Variants in KAZN observed in about 807,000 individuals in gnomAD.
KAZN encodes kazrin.
KAZN carries 40 observed loss-of-function variants against 87.4 expected under a neutral mutation model. That is an observed-to-expected ratio of 0.46 (90% CI 0.36 to 0.60). KAZN has a LOEUF of 0.60. KAZN is among the 20% of genes least tolerant of loss of function. The probability of loss-of-function intolerance (pLI) is 0.00; values close to 1 mark genes in which losing one functional copy is unlikely to be tolerated. For missense variants in KAZN, 898 were observed against 1,073.9 expected, an observed-to-expected ratio of 0.84 and a Z score of 2.29; for synonymous variants, 466 against 458.3, an observed-to-expected ratio of 1.02 and a Z score of -0.22.
chr1:14,417,755 G>C lies in KAZN; in HGVS notation c.250-181228G>C, dbSNP rs554038353. Among the ~76,000 whole-genome samples the C allele has an allele frequency of 1.4e-4, 22 of 152,060 alleles. No homozygotes were observed. The South Asian group carries it at 2.3e-3, about 16-fold the overall frequency. On this transcript the variant is annotated intron_variant, in intron 2 of 16. Transcript: ENST00000636203. ...CTCACCCCTGTTATCCCAGGACTTTGGGAGGCCAAAGCAGGCAGATTCCGA... is the reference window on the plus strand; with the variant it reads ...CTCACCCCTGTTATCCCAGGACTTTCGGAGGCCAAAGCAGGCAGATTCCGA...
intron 2 of KAZN, among the ~76,000 whole-genome samples, chr1:14,333,442 A>G (rs1201023486): frequency 6.6e-6 from 1 of 152,218 alleles, no homozygotes; most frequent in African/African-American, 2.4e-5. Flanking sequence ...ATGATGGACA[A>G]GGTCCTTCAG....
intron 1 of KAZN, among the ~76,000 whole-genome samples, chr1:14,665,932 C>CAAAAAAAAAAAAAAAAAA: frequency 9.3e-6 from 1 of 108,044 alleles, no homozygotes; most frequent in South Asian, 3.1e-4. Flanking sequence ...AAGCTTTGCT[C>CAAAAAAAAAAAAAAAAAA]AAAAAAAAAA....
chr1:14,865,734 A>C (rs1651375002), intron 1 of KAZN, among the ~76,000 whole-genome samples: 1 of 152,200 alleles, frequency 6.6e-6, no homozygotes, highest in Non-Finnish European at 1.5e-5. Context: ...CCTTATTTGA[A>C]AACAAGATCT....
At chr1:14,872,926 GGATGGATGGATA>G (rs1304798055) in intron 1 of KAZN, among the ~76,000 whole-genome samples, 4 of 137,210 alleles carry the variant, frequency 2.9e-5, no homozygotes, top group African/African-American at 1.1e-4. Flanking sequence ...GTGGATGGAT[GGATGGATGGATA>G]GATGGATGGA....
intron 1 of KAZN, among the ~76,000 whole-genome samples, chr1:14,703,358 G>A (rs1250298003): frequency 6.6e-6 from 1 of 152,202 alleles, no homozygotes; most frequent in Non-Finnish European, 1.5e-5. Context: ...CATGGGAGCA[G>A]TTTCCTCCAT....
chr1:14,212,482 GAAA>G (rs770629731), intron 2 of KAZN, among the ~76,000 whole-genome samples: 3 of 117,910 alleles, frequency 2.5e-5, no homozygotes, highest in African/African-American at 9.1e-5. Flanking sequence ...TTATAAGCCA[GAAA>G]AAAAAAAAAA....
At chr1:14,187,912 TTTCTCC>T (rs1170737442) in intron 2 of KAZN, among the ~76,000 whole-genome samples, 1 of 152,182 alleles carries the variant, frequency 6.6e-6, no homozygotes, top group Non-Finnish European at 1.5e-5. Flanking sequence ...ATTCACTCAC[TTTCTCC>T]TTTTTCTATT....
At chr1:14,799,942 G>C (rs1645955459) in intron 1 of KAZN, among the ~76,000 whole-genome samples, 1 of 152,116 alleles carries the variant, frequency 6.6e-6, no homozygotes, top group African/African-American at 2.4e-5. Flanking sequence ...TGTCCCCGAA[G>C]GCCATATCAA....
At chr1:14,417,399 G>A (rs79397849) in intron 2 of KAZN, among the ~76,000 whole-genome samples, 8,100 of 152,252 alleles carry the variant, frequency 0.053, 290 homozygotes, top group East Asian at 0.11. Flanking sequence ...GATTTGGAAG[G>A]AAAGATACTT....
At chr1:14,400,445 A>G (rs1663305525) in intron 2 of KAZN, among the ~76,000 whole-genome samples, 2 of 152,216 alleles carry the variant, frequency 1.3e-5, no homozygotes, top group South Asian at 4.1e-4. Context: ...CTCACAGCAC[A>G]TTCATTGTGC....
At chr1:14,827,859 T>C (rs1177414641) in intron 1 of KAZN, among the ~76,000 whole-genome samples, 1 of 152,256 alleles carries the variant, frequency 6.6e-6, no homozygotes, top group Non-Finnish European at 1.5e-5. Context: ...AGCCCCTAAC[T>C]TGGGGTTTCA....
At chr1:14,746,986 C>T (rs1644278265) in intron 1 of KAZN, among the ~76,000 whole-genome samples, 1 of 152,160 alleles carries the variant, frequency 6.6e-6, no homozygotes, top group South Asian at 2.1e-4. Flanking sequence ...TAAACAGTAA[C>T]TCCCCATCCC....
chr1:15,000,622 C>T (rs922274407), intron 2 of KAZN, among the ~76,000 whole-genome samples: 3 of 151,868 alleles, frequency 2.0e-5, no homozygotes, highest in Non-Finnish European at 4.4e-5. Context: ...AAGGTTCATT[C>T]CTCCTAGAAC....
chr1:14,559,400 G>A (rs1363372432), intron 2 of KAZN, among the ~76,000 whole-genome samples: 1 of 152,192 alleles, frequency 6.6e-6, no homozygotes, highest in African/African-American at 2.4e-5. Flanking sequence ...GGGTCTCACA[G>A]TCTATGCTTT....
At chr1:15,073,822 G>A (rs771645824) in intron 8 of KAZN, among the ~76,000 whole-genome samples, 1 of 152,214 alleles carries the variant, frequency 6.6e-6, no homozygotes, top group African/African-American at 2.4e-5. Context: ...TCTGGGGCCA[G>A]TGATATCCCA....
At chr1:14,301,201 C>A (rs922530670) in intron 2 of KAZN, among the ~76,000 whole-genome samples, 1 of 152,182 alleles carries the variant, frequency 6.6e-6, no homozygotes, top group African/African-American at 2.4e-5. Context: ...AGGTTGACAG[C>A]AGCCAAGAAG....
rs74532331 is a variant in KAZN, at chr1:14,005,966, G to A, written c.91+112210G>A. 3.1e-3 allele frequency among the ~76,000 whole-genome samples: 473 copies of A among 152,304 alleles called. 1 individual carries two copies. Among genetic ancestry groups the A allele is most frequent in the Non-Finnish European group, 5.2e-3 (355 of 68,032 alleles). ...TGTATCCATCTGTCAGCCTGAGAAG[G>A]AGCTCAGAGGCTTAAACTCCATGAT... is the stretch of plus-strand genomic sequence containing the variant. On this transcript the variant is annotated intron_variant, in intron 1 of 16. Transcript: ENST00000636203.
intron 1 of KAZN, among the ~76,000 whole-genome samples, chr1:14,821,498 C>T (rs1201574654): frequency 1.3e-5 from 2 of 150,028 alleles, no homozygotes; most frequent in Non-Finnish European, 3.0e-5. Context: ...GCCAGGGTGA[C>T]TGAGACTCCA....
chr1:13,893,861 A>G (rs1638930599), intron 1 of KAZN: 7 of 1,310,480 alleles, frequency 5.3e-6, no homozygotes, highest in South Asian at 4.4e-5. Context: ...CTGTCAGTCT[A>G]CCTCATCTCT....
Sources: gnomAD v4.1 joint callset for allele counts (sites outside exome capture counted in the v4.1 genomes callset) on GRCh38, gnomAD v4.1.1 for gene constraint, MANE v1.5 for transcripts, NCBI Gene and HGNC (gene_info 2026-07-23, HGNC 2026-07-21) for gene names.